KIAA2012: variants seen among roughly 807,000 people sequenced by gnomAD.
The protein encoded by KIAA2012 is uncharacterized protein KIAA2012.
Under a neutral mutation model 150.6 loss-of-function variants are expected in KIAA2012, and 125 were observed. That is an observed-to-expected ratio of 0.83 (90% CI 0.72 to 0.96). The LOEUF (loss-of-function observed/expected upper bound fraction) is 0.96. Among genes scored for constraint, KIAA2012 ranks in the 40% least tolerant of loss-of-function variants. The pLI, the probability that KIAA2012 is intolerant of heterozygous loss-of-function variation, is 0.00. For synonymous variants in KIAA2012, 462 were observed against 504.7 expected (o/e 0.92, Z 1.13); for missense variants, 1,219 against 1,354.9 (o/e 0.90, Z 1.57).
chr2:202,128,341 C>G (rs898811657), intron 12 of KIAA2012, among the ~76,000 whole-genome samples: 1 of 152,184 alleles, frequency 6.6e-6, no homozygotes, highest in Non-Finnish European at 1.5e-5. Context: ...TCTCAGCTCA[C>G]TGCAGCCTTG....
rs1405443967 is a variant in KIAA2012 at position 202,109,615 on chromosome 2, GA to G, written c.1478del (p.Asp493ValfsTer47). The G allele has an allele frequency of 2.0e-6, 3 of 1,516,898 alleles. No individual in the cohort carries two copies. 94.0% of individuals were successfully genotyped at this position (1,516,898 alleles called of 1,614,324 possible). On this transcript the variant is annotated frameshift_variant, in exon 10 of 24. Coordinates refer to ENST00000498697, the MANE Select transcript of KIAA2012 (RefSeq NM_001277372.4). LOFTEE classifies it high-confidence loss of function. ...TTTTTCCCCTTTTGTTTTTAAAGAT[GA>G]TGATGCCCCACCTCACGATGTGGCC... is the stretch of plus-strand genomic sequence containing the variant. ...ASRDTLSPQD[D>X]DAPPHDVAPP... is the part of the protein sequence containing the mutation.
intron 15 of KIAA2012, among the ~76,000 whole-genome samples, chr2:202,166,479 C>T (rs1367421398): frequency 6.6e-6 from 1 of 151,970 alleles, no homozygotes; most frequent in Non-Finnish European, 1.5e-5. Flanking sequence ...ACAACAAGAT[C>T]CTGTCTCTAC....
At chr2:202,182,731 TA>T (rs1692146181) in intron 15 of KIAA2012, among the ~76,000 whole-genome samples, 3 of 152,172 alleles carry the variant, frequency 2.0e-5, no homozygotes, top group Admixed American at 2.0e-4. Context: ...TTAACTTTTT[TA>T]AAAACTGCCA....
chr2:202,133,109 A>AAAAAATATATATATATATAT (rs766606713), intron 12 of KIAA2012, among the ~76,000 whole-genome samples: 1 of 87,882 alleles, frequency 1.1e-5, no homozygotes, highest in South Asian at 4.1e-4. Context: ...TCTAAAAAAA[A>AAAAAATATATATATATATAT]ATATATATAT....
intron 12 of KIAA2012, among the ~76,000 whole-genome samples, chr2:202,135,479 C>T (rs554774518): frequency 1.3e-5 from 2 of 152,148 alleles, no homozygotes; most frequent in Non-Finnish European, 2.9e-5. Flanking sequence ...TTTACCACCC[C>T]CACTGTTCTG....
At chr2:202,133,953 C>T (rs962797584) in intron 12 of KIAA2012, among the ~76,000 whole-genome samples, 1 of 151,830 alleles carries the variant, frequency 6.6e-6, no homozygotes. Context: ...ATTATCCTTC[C>T]TTTTATGGTT....
chr2:202,097,427 C>G lies in KIAA2012; in HGVS notation c.686-8C>G, dbSNP rs1287705511. 1 of 1,550,398 alleles carries G rather than the reference C, an allele frequency of 6.4e-7. No homozygotes were observed. Among genetic ancestry groups the G allele is most frequent in the African/African-American group, 1.4e-5 (1 of 73,128 alleles). ...GGTGACAAGCTGACCCATTGTTCAC[C>G]ATTGCAGGTCAACAGGGCCTGGATG... is the stretch of plus-strand genomic sequence containing the variant. On this transcript the variant is annotated splice_polypyrimidine_tract_variant and splice_region_variant and intron_variant, in intron 4 of 23. Transcript: ENST00000498697.
intron 14 of KIAA2012, among the ~76,000 whole-genome samples, chr2:202,157,971 C>T (rs142861178): frequency 1.7e-3 from 257 of 152,304 alleles, no homozygotes; most frequent in Non-Finnish European, 2.7e-3. Flanking sequence ...AGCTTTCTCT[C>T]CCACTGATCA....
At chr2:202,174,132 A>AT (rs1691948728) in intron 15 of KIAA2012, among the ~76,000 whole-genome samples, 2 of 152,216 alleles carry the variant, frequency 1.3e-5, no homozygotes, top group South Asian at 4.1e-4. Flanking sequence ...CACCTGGCTA[A>AT]TTTTTTGTAT....
intron 9 of KIAA2012, among the ~76,000 whole-genome samples, chr2:202,107,767 C>T (rs572889994): frequency 7.2e-5 from 11 of 152,176 alleles, no homozygotes; most frequent in African/African-American, 1.9e-4. Context: ...CCCAGCACTT[C>T]GGGAGGCCAA....
At chr2:202,128,886 G>A (rs1328548798) in intron 12 of KIAA2012, among the ~76,000 whole-genome samples, 5 of 151,954 alleles carry the variant, frequency 3.3e-5, no homozygotes, top group Non-Finnish European at 7.4e-5. Flanking sequence ...ACATCACTTT[G>A]TGCTTAATAT....
rs1279080237 is a variant in KIAA2012 at position 202,133,130 on chromosome 2, A to ATATATATATATTTTTTTTTTTTT, written c.1832-5301_1832-5300insATATATATATTTTTTTTTTTTTT. Among the ~76,000 whole-genome samples the ATATATATATATTTTTTTTTTTTT allele has an allele frequency of 1.3e-3, 86 of 67,592 alleles. 1 individual carries two copies. Among genetic ancestry groups the ATATATATATATTTTTTTTTTTTT allele is most frequent in the Middle Eastern group, 8.5e-3 (1 of 118 alleles). 44.3% of individuals were successfully genotyped at this position (67,592 alleles called of 152,430 possible). ...AAAAAATATATATATATATATATAT[A>ATATATATATATTTTTTTTTTTTT]TTTTTTTTTTTTCTGGAGAATGGAG... On this transcript the variant is annotated intron_variant, in intron 12 of 23. Coordinates refer to ENST00000498697, the MANE Select transcript of KIAA2012 (RefSeq NM_001277372.4).
chr2:202,148,949 G>A (rs6731765), intron 13 of KIAA2012, among the ~76,000 whole-genome samples: 16 of 151,876 alleles, frequency 1.1e-4, no homozygotes, highest in Non-Finnish European at 1.0e-4. Flanking sequence ...TCAGCCCCAC[G>A]TCTGGCCCCA....
chr2:202,127,234 T>G (rs559356848), intron 12 of KIAA2012, among the ~76,000 whole-genome samples: 1 of 152,348 alleles, frequency 6.6e-6, no homozygotes, highest in South Asian at 2.1e-4. Context: ...CCTAAAATGT[T>G]ACCATTTCCC....
chr2:202,077,411 G>A (rs73989723), intron 2 of KIAA2012, among the ~76,000 whole-genome samples: 2 of 152,158 alleles, frequency 1.3e-5, no homozygotes, highest in Non-Finnish European at 2.9e-5. Context: ...AGATAAGTCA[G>A]TTTGGGGTGA....
intron 12 of KIAA2012, chr2:202,136,831 G>A (rs951650727): frequency 2.0e-5 from 3 of 152,366 alleles, no homozygotes; most frequent in African/African-American, 7.2e-5. Context: ...GAGCGGACGC[G>A]GAGGCCAACG....
intron 11 of KIAA2012, among the ~76,000 whole-genome samples, chr2:202,124,832 G>C (rs1471947486): frequency 6.6e-6 from 1 of 152,218 alleles, no homozygotes; most frequent in East Asian, 1.9e-4. Context: ...CACTTTGGGA[G>C]GCTGAGGTGG....
At chr2:202,138,894 G>T (rs893411522) in intron 13 of KIAA2012, among the ~76,000 whole-genome samples, 1 of 152,102 alleles carries the variant, frequency 6.6e-6, no homozygotes, top group Non-Finnish European at 1.5e-5. Flanking sequence ...AAAGTGCAAA[G>T]GTAATCATGA....
chr2:202,103,058 C>T lies in KIAA2012; in HGVS notation c.1268C>T (p.Pro423Leu), dbSNP rs1235856885. Residue 423 changes from proline to leucine, a missense_variant, in exon 8 of 24, where the codon CCG becomes CTG. Pro to Leu is a moderately conservative substitution (Grantham distance 98, BLOSUM62 -3). Transcript: ENST00000498697. ...NEPPTELFIL[P>L]VEIHYHTKQP... Reference sequence around the variant, plus strand: ...CCCCCAACAGAGCTCTTCATCTTACCGGTGGAGATTCATTACCACACCAAA... The same window carrying T: ...CCCCCAACAGAGCTCTTCATCTTACTGGTGGAGATTCATTACCACACCAAA... 13 of 1,550,404 alleles carry T rather than the reference C, an allele frequency of 8.4e-6. No individual in the cohort carries two copies. Among genetic ancestry groups the T allele is most frequent in the Admixed American group, 3.9e-5 (2 of 50,976 alleles).
Sources: gnomAD v4.1 joint callset for allele counts (sites outside exome capture counted in the v4.1 genomes callset) on GRCh38, gnomAD v4.1.1 for gene constraint, MANE v1.5 for transcripts, NCBI Gene and HGNC (gene_info 2026-07-23, HGNC 2026-07-21) for gene names.